Variants in NRXN3 observed in about 807,000 individuals in gnomAD.
NRXN3 encodes neurexin III.
In NRXN3, 32 loss-of-function variants were observed where a neutral mutation model predicts 137.6. The ratio of observed to expected loss-of-function variants is 0.23; its 90% CI spans 0.18 to 0.31. The LOEUF is 0.31. Ranked by LOEUF, NRXN3 falls within the 10% of genes least tolerant of loss-of-function variation. NRXN3 has a pLI of 1.00. For missense variants in NRXN3, 1,574 were observed against 2,062.5 expected (o/e 0.76, Z 4.59); for synonymous variants, 798 against 784.5 (o/e 1.02, Z -0.29).
chr14:78,927,583 G>A (rs2099309425), intron 10 of NRXN3, among the ~76,000 whole-genome samples: 1 of 152,068 alleles, frequency 6.6e-6, no homozygotes, highest in African/African-American at 2.4e-5. Context: ...TTTGGCTCTT[G>A]AGCAGAATTT....
At chr14:78,815,777 C>A (rs899362664) in intron 10 of NRXN3, among the ~76,000 whole-genome samples, 2 of 152,078 alleles carry the variant, frequency 1.3e-5, no homozygotes, top group Non-Finnish European at 2.9e-5. Flanking sequence ...GAAACTCTTG[C>A]CTCAGACCAA....
At chr14:78,244,661 C>T (rs763660707) in intron 2 of NRXN3, among the ~76,000 whole-genome samples, 8 of 152,154 alleles carry the variant, frequency 5.3e-5, no homozygotes, top group Non-Finnish European at 8.8e-5. Context: ...GAGGCATCTG[C>T]GCCAGGCCCT....
chr14:78,284,118 T>G (rs897272791), intron 3 of NRXN3, among the ~76,000 whole-genome samples: 1 of 152,146 alleles, frequency 6.6e-6, no homozygotes, highest in African/African-American at 2.4e-5. Flanking sequence ...AAAATAAATC[T>G]TGGGGCCCCC....
intron 10 of NRXN3, among the ~76,000 whole-genome samples, chr14:78,845,204 TATATCTGC>T (rs1195623077): frequency 6.6e-6 from 1 of 152,106 alleles, no homozygotes; most frequent in Non-Finnish European, 1.5e-5. Flanking sequence ...CTGTACTTTC[TATATCTGC>T]AAGTCAAAAC....
chr14:78,177,097 A>G (rs570088430), intron 1 of NRXN3, among the ~76,000 whole-genome samples: 2 of 152,240 alleles, frequency 1.3e-5, no homozygotes, highest in African/African-American at 4.8e-5. Flanking sequence ...GGTCCAGCAG[A>G]GGCTCCATTC....
chr14:79,227,781 C>CCTTCCTTCCTTCCTTT (rs1568684373), intron 15 of NRXN3, among the ~76,000 whole-genome samples: 5 of 110,972 alleles, frequency 4.5e-5, no homozygotes, highest in Admixed American at 2.1e-4. Flanking sequence ...TTCCTTCCTT[C>CCTTCCTTCCTTCCTTT]CTTCCCTCCT....
chr14:78,275,369 T>C lies in NRXN3; in HGVS notation c.710-3276T>C, dbSNP rs544477710. The stretch of plus-strand genomic sequence containing the variant: ...AATAGATGATCTTCATTGATAAAAC[T>C]CGCAGAAATACTTTTAGTATCTCCA... On this transcript the variant is annotated intron_variant, in intron 2 of 20. Transcript: ENST00000335750. Among the ~76,000 whole-genome samples, 676 of 152,316 alleles carry C rather than the reference T, an allele frequency of 4.4e-3. 6 individuals are homozygous for C. The highest frequency in any genetic ancestry group is 0.016 in the African/African-American group (646 of 41,566).
chr14:78,342,746 C>T (rs892061880), intron 4 of NRXN3, among the ~76,000 whole-genome samples: 6 of 152,116 alleles, frequency 3.9e-5, no homozygotes, highest in Admixed American at 1.3e-4. Context: ...TTTCTCTTGC[C>T]TCTAGTACCC....
chr14:79,064,950 A>G (rs2099678968), intron 15 of NRXN3, among the ~76,000 whole-genome samples: 2 of 151,600 alleles, frequency 1.3e-5, no homozygotes, highest in Non-Finnish European at 2.9e-5. Flanking sequence ...TTCTCTAAAA[A>G]TATTGAAAAG....
At chr14:78,219,910 A>G (rs2063667123) in intron 1 of NRXN3, among the ~76,000 whole-genome samples, 1 of 152,138 alleles carries the variant, frequency 6.6e-6, no homozygotes, top group Non-Finnish European at 1.5e-5. Flanking sequence ...GAACTGAGTT[A>G]CTGAGGTGGA....
intron 15 of NRXN3, among the ~76,000 whole-genome samples, chr14:79,233,749 T>G (rs2072700663): frequency 6.6e-6 from 1 of 152,018 alleles, no homozygotes; most frequent in Non-Finnish European, 1.5e-5. Flanking sequence ...TGGCAAGCTT[T>G]TCTAGATAAA....
chr14:78,942,039 G>C (rs1181116075), intron 10 of NRXN3, among the ~76,000 whole-genome samples: 1 of 152,240 alleles, frequency 6.6e-6, no homozygotes, highest in Non-Finnish European at 1.5e-5. Context: ...GTAGACCAAT[G>C]TTGGATTGGA....
At chr14:79,268,582 G>A (rs2078803390) in intron 15 of NRXN3, among the ~76,000 whole-genome samples, 1 of 152,122 alleles carries the variant, frequency 6.6e-6, no homozygotes, top group African/African-American at 2.4e-5. Flanking sequence ...TCCAGAAAAG[G>A]GGCAAAGAGA....
At chr14:78,721,186 A>G (rs1464630429) in intron 8 of NRXN3, among the ~76,000 whole-genome samples, 2 of 152,212 alleles carry the variant, frequency 1.3e-5, no homozygotes, top group African/African-American at 4.8e-5. Context: ...TGCTCAGACT[A>G]TCTCACTGGT....
chr14:78,363,500 C>T (rs1389073338), intron 4 of NRXN3, among the ~76,000 whole-genome samples: 1 of 152,058 alleles, frequency 6.6e-6, no homozygotes, highest in Non-Finnish European at 1.5e-5. Flanking sequence ...TATTATTATC[C>T]CCACTTTAGT....
chr14:78,935,741 A>C (rs1013402815), intron 10 of NRXN3, among the ~76,000 whole-genome samples: 7 of 152,130 alleles, frequency 4.6e-5, no homozygotes, highest in Non-Finnish European at 1.0e-4. Flanking sequence ...AAATAGAGCT[A>C]ATAGCTGTTT....
At chr14:78,661,180 T>C (rs1180878563) in intron 6 of NRXN3, among the ~76,000 whole-genome samples, 1 of 152,194 alleles carries the variant, frequency 6.6e-6, no homozygotes, top group East Asian at 1.9e-4. Context: ...TAACAGAATG[T>C]ATGAGCCCAT....
chr14:79,592,413 T>C (rs567843429), intron 16 of NRXN3, among the ~76,000 whole-genome samples: 19 of 152,328 alleles, frequency 1.2e-4, no homozygotes, highest in African/African-American at 4.6e-4. Flanking sequence ...TTCTCTGTTT[T>C]TGCATTCTTC....
chr14:78,943,624 A>AT (rs2099358892), intron 10 of NRXN3, among the ~76,000 whole-genome samples: 1 of 15,840 alleles, frequency 6.3e-5, no homozygotes, highest in African/African-American at 2.0e-4. Flanking sequence ...AAAAAAAAAT[A>AT]TATATATATA....
Sources: allele counts gnomAD v4.1 joint callset (sites outside exome capture counted in the v4.1 genomes callset), GRCh38; gene constraint gnomAD v4.1.1; transcripts MANE v1.5; gene names NCBI Gene and HGNC (gene_info 2026-07-23, HGNC 2026-07-21).